Variants in RYR2 observed in about 807,000 individuals in gnomAD.
RYR2 encodes cardiac muscle ryanodine receptor-calcium release channel.
RYR2 carries 227 observed loss-of-function variants against 601.1 expected under a neutral mutation model. That is an observed-to-expected ratio of 0.38 (90% CI 0.34 to 0.42). RYR2 has a LOEUF of 0.42. RYR2 is among the 10% of genes least tolerant of loss of function. RYR2 has a pLI of 1.00. For missense variants in RYR2, 4,646 were observed against 6,156.5 expected (o/e 0.75, Z 8.21); for synonymous variants, 2,223 against 2,175.1 (o/e 1.02, Z -0.61).
intron 1 of RYR2, among the ~76,000 whole-genome samples, chr1:237,253,080 G>T (rs989221741): frequency 2.0e-5 from 3 of 150,324 alleles, no homozygotes; most frequent in African/African-American, 7.3e-5. Context: ...CAGCAGAATC[G>T]CTTGTACCCG....
At chr1:237,464,910 G>T (rs1010651279) in intron 16 of RYR2, among the ~76,000 whole-genome samples, 2 of 152,068 alleles carry the variant, frequency 1.3e-5, no homozygotes, top group African/African-American at 4.8e-5. Flanking sequence ...CCAGTATTTT[G>T]CTGTTATAAA....
At chr1:237,746,694 A>G (rs1183491913) in intron 80 of RYR2, among the ~76,000 whole-genome samples, 2 of 152,088 alleles carry the variant, frequency 1.3e-5, no homozygotes, top group African/African-American at 4.8e-5. Context: ...ATTATTTTTT[A>G]GGTTTGGAGC....
At chr1:237,644,470 G>A (rs1229066760) in intron 48 of RYR2, among the ~76,000 whole-genome samples, 5 of 151,832 alleles carry the variant, frequency 3.3e-5, no homozygotes, top group South Asian at 2.1e-4. Context: ...CTGACCTCAC[G>A]ATCCGCCTGC....
chr1:237,349,717 A>T (rs1418988576), intron 3 of RYR2, among the ~76,000 whole-genome samples: 2 of 152,238 alleles, frequency 1.3e-5, no homozygotes, highest in Non-Finnish European at 2.9e-5. Flanking sequence ...ACAATGGAAG[A>T]TTATTAAATG....
rs770374505 is a variant in RYR2 at position 237,638,427 on chromosome 1, T to C, written c.6863T>C (p.Ile2288Thr). 2 of 1,613,962 alleles carry C rather than the reference T, an allele frequency of 1.2e-6. No homozygotes were observed. Among genetic ancestry groups the C allele is most frequent in the African/African-American group, 1.3e-5 (1 of 75,056 alleles). Residue 2288 changes from isoleucine (I) to threonine (T), a missense_variant, in exon 45 of 105, where the codon ATT (isoleucine) becomes ACT (threonine). By Grantham distance (89) the Ile-to-Thr change is moderately conservative (BLOSUM62 -1). Transcript: ENST00000366574. The part of the protein sequence containing the change: ...QMLVSKGYPD[I>T]GWNPVEGERY... ...CTGGTGTCTAAGGGCTATCCAGACA[T>C]TGGGTGGAACCCAGTTGAAGGAGAG... is the stretch of plus-strand genomic sequence containing the variant.
At position 237,674,840 on chromosome 1, in the gene RYR2, G is replaced by A. The variant is rs1278222587; in HGVS notation, c.8824G>A (p.Glu2942Lys). ...YVDEAHQYIL[E>K]FDGGSRGKGE... ...GGATGAAGCCCATCAGTATATCCTG[G>A]AGTTTGGTAGGTACCATAGTCCCAT... Residue 2942 changes from glutamate to lysine, a missense_variant, in exon 60 of 105, where the codon GAG becomes AAG. Physicochemically the swap from Glu to Lys is moderately conservative, Grantham distance 56 (BLOSUM62 1). Around this residue, in one of 17 missense-constraint regions of RYR2, gnomAD observed 1,497 missense variants for 1,842.6 expected, o/e 0.81. Transcript: ENST00000366574. The A allele has an allele frequency of 1.3e-6, 2 of 1,583,710 alleles. No homozygotes were observed. The highest frequency in any genetic ancestry group is 1.7e-6 in the Non-Finnish European group (2 of 1,153,642).
At chr1:237,073,786 G>A (rs1323404858) in intron 1 of RYR2, among the ~76,000 whole-genome samples, 3 of 145,532 alleles carry the variant, frequency 2.1e-5, no homozygotes, top group African/African-American at 7.7e-5. Flanking sequence ...CATGAGAATC[G>A]CTTAAACTTG....
chr1:237,089,547 T>C (rs887445511), intron 1 of RYR2, among the ~76,000 whole-genome samples: 1 of 152,234 alleles, frequency 6.6e-6, no homozygotes, highest in African/African-American at 2.4e-5. Flanking sequence ...AAAATGTATC[T>C]TGTCAAGTTT....
chr1:237,071,136 A>C (rs1007012310), intron 1 of RYR2, among the ~76,000 whole-genome samples: 5 of 151,498 alleles, frequency 3.3e-5, no homozygotes, highest in African/African-American at 1.2e-4. Context: ...TAAAAGAACA[A>C]CTCTCATGAG....
intron 2 of RYR2, among the ~76,000 whole-genome samples, chr1:237,312,016 G>A (rs1694621119): frequency 6.6e-6 from 1 of 152,096 alleles, no homozygotes; most frequent in Non-Finnish European, 1.5e-5. Context: ...ACTGGGAGAT[G>A]GACTATAGAA....
chr1:237,055,369 G>T (rs1661860018), intron 1 of RYR2, among the ~76,000 whole-genome samples: 1 of 152,094 alleles, frequency 6.6e-6, no homozygotes, highest in South Asian at 2.1e-4. Flanking sequence ...AAAGATTAAT[G>T]GGGCAGCAAT....
intron 12 of RYR2, among the ~76,000 whole-genome samples, chr1:237,435,326 G>C (rs1707233280): frequency 6.6e-6 from 1 of 152,108 alleles, no homozygotes; most frequent in Admixed American, 6.5e-5. Context: ...AGGAAACTGA[G>C]GCTTAGACAA....
chr1:237,529,762 C>T (rs570726601), intron 24 of RYR2, among the ~76,000 whole-genome samples: 1 of 126,472 alleles, frequency 7.9e-6, no homozygotes, highest in East Asian at 2.2e-4. Flanking sequence ...TAATATCATA[C>T]ACACACACAC....
intron 60 of RYR2, among the ~76,000 whole-genome samples, chr1:237,675,281 G>C (rs1685297901): frequency 6.6e-6 from 1 of 152,138 alleles, no homozygotes; most frequent in Non-Finnish European, 1.5e-5. Context: ...TAGAGTAACT[G>C]CTGTGCAGAA....
intron 1 of RYR2, among the ~76,000 whole-genome samples, chr1:237,051,901 C>T (rs775105703): frequency 5.3e-5 from 8 of 152,120 alleles, no homozygotes; most frequent in Non-Finnish European, 1.2e-4. Flanking sequence ...GAGAGGGAAA[C>T]TTGGTGCCCT....
chr1:237,411,764 T>C (rs1704478305), intron 10 of RYR2, among the ~76,000 whole-genome samples: 1 of 152,156 alleles, frequency 6.6e-6, no homozygotes, highest in African/African-American at 2.4e-5. Flanking sequence ...AGAAAGTTAA[T>C]AACAATCAAA....
At chr1:237,671,368 A>G (rs1471142024) in intron 58 of RYR2, among the ~76,000 whole-genome samples, 1 of 152,080 alleles carries the variant, frequency 6.6e-6, no homozygotes, top group Non-Finnish European at 1.5e-5. Context: ...TTGTTTTCTC[A>G]CTCAGAGACA....
rs569832992 is a variant in RYR2 at position 237,598,707 on chromosome 1, A to C, written c.4596+3050A>C. Among the ~76,000 whole-genome samples, 162 of 152,350 alleles carry C rather than the reference A, an allele frequency of 1.1e-3. 1 individual carries two copies. Among genetic ancestry groups the C allele is most frequent in the Non-Finnish European group, 7.9e-4 (54 of 68,032 alleles). On this transcript the variant is annotated intron_variant, in intron 34 of 104. Transcript: ENST00000366574. The stretch of plus-strand genomic sequence containing the variant: ...CAGTATTAAATGCCTACATTTAAGA[A>C]GTAAAAAATAAACCACCTAATATTG...
chr1:237,391,701 T>C (rs1702398165), intron 10 of RYR2, among the ~76,000 whole-genome samples: 1 of 152,144 alleles, frequency 6.6e-6, no homozygotes, highest in Admixed American at 6.6e-5. Flanking sequence ...TGATTCTGGA[T>C]ATCAGTAGAG....
Sources: gnomAD v4.1 joint callset for allele counts (sites outside exome capture counted in the v4.1 genomes callset) on GRCh38, gnomAD v4.1.1 for gene constraint, gnomAD v4.1.1 regional missense constraint, MANE v1.5 for transcripts, NCBI Gene and HGNC (gene_info 2026-07-23, HGNC 2026-07-21) for gene names.